Variants in CDH18 observed in about 807,000 individuals in gnomAD.
The protein encoded by CDH18 is cadherin-18.
CDH18 carries 31 observed loss-of-function variants against 67.9 expected under a neutral mutation model. The ratio of observed to expected loss-of-function variants is 0.46; its 90% CI spans 0.34 to 0.62. The LOEUF is 0.62. Ranked by LOEUF, CDH18 falls within the 20% of genes least tolerant of loss-of-function variation. The pLI is 0.01. For missense variants in CDH18, 890 were observed against 975.5 expected, an observed-to-expected ratio of 0.91 and a Z score of 1.17; for synonymous variants, 362 against 347.2, an observed-to-expected ratio of 1.04 and a Z score of -0.48.
intron 6 of CDH18, among the ~76,000 whole-genome samples, chr5:19,603,545 T>A (rs1015452315): frequency 6.6e-6 from 1 of 151,716 alleles, no homozygotes; most frequent in Non-Finnish European, 1.5e-5. Flanking sequence ...CTACAAAAAA[T>A]AAAATCAAAA....
intron 1 of CDH18, among the ~76,000 whole-genome samples, chr5:20,349,183 T>C (rs969353873): frequency 6.6e-6 from 1 of 152,158 alleles, no homozygotes; most frequent in African/African-American, 2.4e-5. Flanking sequence ...TAAAACTAAC[T>C]TCTAAAGGCC....
chr5:20,205,359 G>T (rs1217064128), intron 2 of CDH18, among the ~76,000 whole-genome samples: 1 of 151,810 alleles, frequency 6.6e-6, no homozygotes, highest in Non-Finnish European at 1.5e-5. Flanking sequence ...TCCAACATTG[G>T]AACACCCAAG....
chr5:19,563,145 C>A (rs995420270), intron 8 of CDH18, among the ~76,000 whole-genome samples: 1 of 151,964 alleles, frequency 6.6e-6, no homozygotes, highest in East Asian at 1.9e-4. Flanking sequence ...TGATACTTGA[C>A]TTTTGTAAAT....
intron 1 of CDH18, among the ~76,000 whole-genome samples, chr5:20,411,851 G>T (rs1746807497): frequency 6.6e-6 from 1 of 151,732 alleles, no homozygotes; most frequent in African/African-American, 2.4e-5. Context: ...GCTACAAGGA[G>T]AACTACAAAA....
At chr5:20,353,123 A>G (rs1325145078) in intron 1 of CDH18, among the ~76,000 whole-genome samples, 1 of 152,136 alleles carries the variant, frequency 6.6e-6, no homozygotes, top group Non-Finnish European at 1.5e-5. Context: ...ATGGTGGTGT[A>G]TGCCTCCATT....
chr5:20,558,072 G>A (rs1399906934), intron 1 of CDH18, among the ~76,000 whole-genome samples: 6 of 151,368 alleles, frequency 4.0e-5, no homozygotes, highest in Non-Finnish European at 8.8e-5. Flanking sequence ...GATTGTTATA[G>A]AATTATTTCA....
In CDH18 at chr5:19,550,257, T is replaced by A. The variant is rs180724194; in HGVS notation, c.1254-6252A>T. Among the ~76,000 whole-genome samples the A allele has an allele frequency of 5.1e-3, 781 of 152,190 alleles. 3 individuals carry two copies. Among genetic ancestry groups the A allele is most frequent in the African/African-American group, 0.018 (749 of 41,522 alleles). On this transcript the variant is annotated intron_variant, in intron 8 of 12. Coordinates refer to ENST00000382275, the MANE Select transcript of CDH18 (RefSeq NM_004934.5). ...ACCATGTTAGACTTTAGTAGTAAAC[T>A]CTTTTTATTATTATTATTATTATAC...
intron 3 of CDH18, among the ~76,000 whole-genome samples, chr5:19,770,773 T>C (rs574481198): frequency 3.9e-5 from 6 of 152,356 alleles, no homozygotes; most frequent in African/African-American, 9.6e-5. Flanking sequence ...CTCTTTTGTG[T>C]CTGCCATTTT....
intron 3 of CDH18, among the ~76,000 whole-genome samples, chr5:19,827,607 T>G (rs1780539708): frequency 6.6e-6 from 1 of 152,034 alleles, no homozygotes; most frequent in Non-Finnish European, 1.5e-5. Context: ...CATACAAAGA[T>G]GTGGAAAGTA....
chr5:19,636,785 A>C (rs2150204281), intron 5 of CDH18, among the ~76,000 whole-genome samples: 1 of 152,210 alleles, frequency 6.6e-6, no homozygotes, highest in Middle Eastern at 3.4e-3. Flanking sequence ...TAGCAAAAAA[A>C]AAATGCCTTT....
At chr5:20,377,028 A>G (rs1214450547) in intron 1 of CDH18, among the ~76,000 whole-genome samples, 1 of 151,938 alleles carries the variant, frequency 6.6e-6, no homozygotes, top group East Asian at 1.9e-4. Flanking sequence ...AAAAAAAAAA[A>G]AAAATATTAG....
intron 1 of CDH18, among the ~76,000 whole-genome samples, chr5:20,549,749 G>A (rs1459817115): frequency 2.6e-5 from 4 of 152,092 alleles, no homozygotes; most frequent in African/African-American, 9.7e-5. Flanking sequence ...AGACAGCTGA[G>A]GTTGTTTTAA....
chr5:19,760,231 T>C (rs548535734), intron 3 of CDH18, among the ~76,000 whole-genome samples: 1 of 152,124 alleles, frequency 6.6e-6, no homozygotes, highest in South Asian at 2.1e-4. Context: ...CCATTAGATC[T>C]GATACACAGA....
At chr5:19,882,647 G>A (rs1414022267) in intron 2 of CDH18, among the ~76,000 whole-genome samples, 2 of 152,124 alleles carry the variant, frequency 1.3e-5, no homozygotes, top group Non-Finnish European at 2.9e-5. Context: ...TATTACTGCA[G>A]TGAAGGCATG....
chr5:19,638,548 T>G (rs1753495519), intron 5 of CDH18, among the ~76,000 whole-genome samples: 1 of 13,646 alleles, frequency 7.3e-5, no homozygotes, highest in Admixed American at 7.1e-4. Context: ...TTTACTAAGT[T>G]TTTTTTTTCT....
At chr5:20,451,728 T>G (rs779739061) in intron 1 of CDH18, among the ~76,000 whole-genome samples, 3 of 152,184 alleles carry the variant, frequency 2.0e-5, no homozygotes, top group Admixed American at 2.0e-4. Flanking sequence ...GGTAAGTTCA[T>G]AAACACTTTT....
At chr5:19,583,887 G>A (rs975298589) in intron 7 of CDH18, among the ~76,000 whole-genome samples, 7 of 152,206 alleles carry the variant, frequency 4.6e-5, no homozygotes, top group East Asian at 1.9e-4. Context: ...TTGTTGACTC[G>A]AAGGACAAGT....
intron 2 of CDH18, among the ~76,000 whole-genome samples, chr5:20,056,372 A>T (rs1741923621): frequency 1.4e-5 from 2 of 147,372 alleles, no homozygotes; most frequent in Admixed American, 1.4e-4. Context: ...ACAATCAGGA[A>T]TGGACAAGCT....
At position 19,752,318 on chromosome 5, in the gene CDH18, C is replaced by G. The variant is rs988325035; in HGVS notation, c.229-5082G>C. Among the ~76,000 whole-genome samples, 10 of 152,064 alleles carry G rather than the reference C, an allele frequency of 6.6e-5. No individual in the cohort carries two copies. In the South Asian group the frequency reaches 1.2e-3, roughly 19 times the overall value. ...GCCCTGCTTGCCCATTGCCTGGAAACAGACTAGATGCTATGATGGGGCCAT... is the reference window on the plus strand; with the variant it reads ...GCCCTGCTTGCCCATTGCCTGGAAAGAGACTAGATGCTATGATGGGGCCAT... On this transcript the variant is annotated intron_variant, in intron 3 of 12. Coordinates refer to ENST00000382275, the MANE Select transcript of CDH18 (RefSeq NM_004934.5).
Sources: allele counts gnomAD v4.1 joint callset (sites outside exome capture counted in the v4.1 genomes callset), GRCh38; gene constraint gnomAD v4.1.1; transcripts MANE v1.5; gene names NCBI Gene and HGNC (gene_info 2026-07-23, HGNC 2026-07-21).